NEBL: variants seen among roughly 807,000 people sequenced by gnomAD.
NEBL encodes the protein nebulette.
In NEBL, 122 loss-of-function variants were observed where a neutral mutation model predicts 140.2. That is an observed-to-expected ratio of 0.87 (90% CI 0.75 to 1.01). The LOEUF is 1.01. Ranked by LOEUF, NEBL falls within the 50% of genes least tolerant of loss-of-function variation. The probability of loss-of-function intolerance (pLI) is 0.00; values close to 1 mark genes in which losing one functional copy is unlikely to be tolerated. For missense variants in NEBL, 1,365 were observed against 1,231.3 expected (o/e 1.11, Z -1.62); for synonymous variants, 436 against 398.9 (o/e 1.09, Z -1.11).
intron 1 of NEBL, among the ~76,000 whole-genome samples, chr10:21,260,208 G>C (rs538923159): frequency 6.6e-6 from 1 of 152,196 alleles, no homozygotes; most frequent in Admixed American, 6.5e-5. Flanking sequence ...CCGGGAATCC[G>C]GTCCAGACTT....
intron 3 of NEBL, among the ~76,000 whole-genome samples, chr10:21,209,077 C>T (rs976684087): frequency 6.6e-6 from 1 of 152,164 alleles, no homozygotes; most frequent in Non-Finnish European, 1.5e-5. Flanking sequence ...CTCTGCAATC[C>T]TTAAAGTATG....
chr10:20,834,879 T>C (rs984652116), intron 14 of NEBL, among the ~76,000 whole-genome samples: 16 of 152,194 alleles, frequency 1.1e-4, no homozygotes, highest in Admixed American at 7.2e-4. Context: ...TCCTACAACC[T>C]TGTGATGTGA....
intron 3 of NEBL, among the ~76,000 whole-genome samples, chr10:20,973,190 C>G (rs1836654288): frequency 1.3e-5 from 2 of 151,814 alleles, no homozygotes; most frequent in African/African-American, 4.8e-5. Context: ...AGGCACTTAA[C>G]AGACTATCCT....
chr10:20,998,945 A>C (rs1837775908), intron 3 of NEBL, among the ~76,000 whole-genome samples: 1 of 152,202 alleles, frequency 6.6e-6, no homozygotes. Context: ...CCAACAAAAC[A>C]GGATCCGCCA....
chr10:21,146,138 C>A (rs535397886), intron 2 of NEBL, among the ~76,000 whole-genome samples: 1 of 152,290 alleles, frequency 6.6e-6, no homozygotes, highest in Non-Finnish European at 1.5e-5. Context: ...AGAAACTGTG[C>A]ATTGTTAAAC....
rs966169365 is a variant in NEBL, at chr10:21,034,910, G to A, written c.165-14709C>T. ...GCTGCACCTGTCAACCCATCACCTA[G>A]GTGTTAAGCCCAGCATGCACTAGCT... On this transcript the variant is annotated intron_variant, in intron 2 of 6. Transcript: ENST00000417816. 2.0e-5 allele frequency among the ~76,000 whole-genome samples: 3 copies of A among 151,730 alleles called. No homozygotes were observed. In the East Asian group the frequency reaches 5.8e-4, roughly 29 times the overall value.
chr10:21,094,499 CAAAAAAAAAAA>C (rs72278772), intron 2 of NEBL, among the ~76,000 whole-genome samples: 13 of 63,216 alleles, frequency 2.1e-4, no homozygotes, highest in East Asian at 1.1e-3. Context: ...GACTCCGTCT[CAAAAAAAAAAA>C]AAAAAAAAAA....
At chr10:21,208,186 G>A (rs1264735249) in intron 3 of NEBL, among the ~76,000 whole-genome samples, 1 of 152,188 alleles carries the variant, frequency 6.6e-6, no homozygotes, top group Non-Finnish European at 1.5e-5. Context: ...GTCAAGGTAA[G>A]ATGGATGAAA....
chr10:21,255,858 G>A (rs75276523), intron 1 of NEBL, among the ~76,000 whole-genome samples: 30,938 of 151,296 alleles, frequency 0.2, 3,517 homozygotes, highest in African/African-American at 0.27. Flanking sequence ...TTAGCCAGGC[G>A]TGGGTCCCAG....
intron 2 of NEBL, among the ~76,000 whole-genome samples, chr10:20,895,067 G>C (rs192174219): frequency 6.6e-6 from 1 of 152,048 alleles, no homozygotes; most frequent in Admixed American, 6.5e-5. Flanking sequence ...GGTGTGAAAT[G>C]TATGGATTTA....
chr10:20,939,563 G>A (rs1270460644), intron 4 of NEBL, among the ~76,000 whole-genome samples: 10 of 151,628 alleles, frequency 6.6e-5, no homozygotes, highest in South Asian at 4.2e-4. Flanking sequence ...CATAATGACA[G>A]GATCAAATTC....
At chr10:20,808,301 C>T (rs901935126) in intron 26 of NEBL, among the ~76,000 whole-genome samples, 7 of 149,408 alleles carry the variant, frequency 4.7e-5, no homozygotes, top group Admixed American at 2.0e-4. Flanking sequence ...TGAAGTAAGA[C>T]GGGGGGAAAA....
Position 20,845,198 on chromosome 10 carries a change from T to A in NEBL, c.1227+60A>T. 9 of 1,088,664 alleles carry A rather than the reference T, an allele frequency of 8.3e-6. No homozygotes were observed. The South Asian group carries it at 1.1e-4, about 13-fold the overall frequency. The allele number at this position is 1,088,664 out of a possible 1,614,324, so 67.4% of individuals were successfully genotyped here. On this transcript the variant is annotated intron_variant, in intron 12 of 27. Transcript: ENST00000377122. ...AATTAGTAGAGAATTAGGTAAACAT[T>A]TCCTGGGTTTTTTCTTTACTTTTCT...
intron 2 of NEBL, among the ~76,000 whole-genome samples, chr10:21,123,710 T>G (rs1234648269): frequency 1.4e-5 from 2 of 147,252 alleles, no homozygotes; most frequent in African/African-American, 5.3e-5. Context: ...ATTCTGATGA[T>G]CATATATCAT....
At chr10:20,828,663 T>C (rs1437979879) in intron 16 of NEBL, 29 bp from the exon 17 acceptor site, 1 of 1,399,460 alleles carries the variant, frequency 7.1e-7, no homozygotes, top group Non-Finnish European at 1.0e-6. Flanking sequence ...AATATAAATC[T>C]GAAACTATGT....
intron 4 of NEBL, among the ~76,000 whole-genome samples, chr10:20,955,688 TC>T (rs1835766235): frequency 6.6e-6 from 1 of 152,012 alleles, no homozygotes; most frequent in African/African-American, 2.4e-5. Context: ...ATAATTAGGG[TC>T]TTGATGAAAG....
intron 16 of NEBL, among the ~76,000 whole-genome samples, chr10:20,829,301 T>C (rs962295143): frequency 3.9e-5 from 6 of 151,920 alleles, no homozygotes; most frequent in East Asian, 1.9e-4. Context: ...ATGGATGAAA[T>C]TGGAAATCAT....
intron 2 of NEBL, among the ~76,000 whole-genome samples, chr10:21,084,035 A>G (rs1476256079): frequency 6.6e-6 from 1 of 152,188 alleles, no homozygotes; most frequent in East Asian, 1.9e-4. Flanking sequence ...TAGTATAAAT[A>G]ACCTGAATTT....
At chr10:20,883,339 T>C (rs983084679) in intron 4 of NEBL, among the ~76,000 whole-genome samples, 2 of 152,186 alleles carry the variant, frequency 1.3e-5, no homozygotes, top group Admixed American at 1.3e-4. Flanking sequence ...GCACCTCACA[T>C]TGTTCCAAGG....
Sources: allele counts gnomAD v4.1 joint callset (sites outside exome capture counted in the v4.1 genomes callset), GRCh38; gene constraint gnomAD v4.1.1; transcripts MANE v1.5; gene names NCBI Gene and HGNC (gene_info 2026-07-23, HGNC 2026-07-21).